Variants in ACOT12 observed in about 807,000 individuals in gnomAD.
The protein encoded by ACOT12 is acetyl-coenzyme A thioesterase.
ACOT12 carries 51 observed loss-of-function variants against 67.7 expected under a neutral mutation model. The ratio of observed to expected loss-of-function variants is 0.75; its 90% CI spans 0.60 to 0.95. ACOT12 has a LOEUF of 0.95. ACOT12 is among the 40% of genes least tolerant of loss of function. The pLI, the probability that ACOT12 is intolerant of heterozygous loss-of-function variation, is 0.00. For synonymous variants in ACOT12, 251 were observed against 244.6 expected, an observed-to-expected ratio of 1.03 and a Z score of -0.24; for missense variants, 734 against 708.1, an observed-to-expected ratio of 1.04 and a Z score of -0.41.
At chr5:81,323,864 A>ATGTATATATGTGTATATATG in the ACOT12 span, among the ~76,000 whole-genome samples, 1 of 146,272 alleles carries the variant, frequency 6.8e-6, no homozygotes, top group Admixed American at 7.1e-5. Flanking sequence ...GTATATGCAT[A>ATGTATATATGTGTATATATG]TGTATATATG....
chr5:81,309,426 T>C, the ACOT12 span, among the ~76,000 whole-genome samples: 1 of 152,228 alleles, frequency 6.6e-6, no homozygotes, highest in Non-Finnish European at 1.5e-5. Context: ...GTACAGATGA[T>C]TCAATATTGT....
intron 1 of ACOT12, among the ~76,000 whole-genome samples, chr5:81,389,815 C>A (rs1760817740): frequency 6.9e-6 from 1 of 145,552 alleles, no homozygotes; most frequent in African/African-American, 2.5e-5. Flanking sequence ...GTGTGAGCCA[C>A]CAGGCCCAGC....
chr5:81,388,350 T>C (rs1760784026), intron 1 of ACOT12, among the ~76,000 whole-genome samples: 1 of 152,202 alleles, frequency 6.6e-6, no homozygotes, highest in African/African-American at 2.4e-5. Flanking sequence ...TGTCATTACA[T>C]GCGTGCTGTG....
At chr5:81,387,973 CAA>C (rs1760774732) in intron 1 of ACOT12, among the ~76,000 whole-genome samples, 1 of 152,004 alleles carries the variant, frequency 6.6e-6, no homozygotes, top group Admixed American at 6.6e-5. Context: ...CTTAAGGGAT[CAA>C]AAAGTAATAA....
Position 81,330,192 on chromosome 5 carries a change from C to T in ACOT12, c.*202G>A, listed in dbSNP as rs1309992650. The T allele has an allele frequency of 1.7e-5, 9 of 531,050 alleles. No homozygotes were observed. Among genetic ancestry groups the T allele is most frequent in the African/African-American group, 1.3e-4 (7 of 52,840 alleles). 32.9% of individuals were successfully genotyped at this position (531,050 alleles called of 1,614,324 possible). A position where few individuals can be genotyped will look rare whatever the true frequency, so the allele number is the denominator to read the frequency against. The stretch of plus-strand genomic sequence containing the variant: ...AGGCAGAGCCACAGATGACTTACAA[C>T]AGAATTCTAAAGCTCTTTTAATGCT... On this transcript the variant is annotated 3_prime_UTR_variant, in exon 15 of 15. Transcript: ENST00000307624.
At chr5:81,326,148 T>A (rs10062967), downstream of ACOT12, among the ~76,000 whole-genome samples, 59,830 of 126,942 alleles carry the variant, frequency 0.47, 14,575 homozygotes, top group Admixed American at 0.6. Context: ...TTTTTGTGAG[T>A]CGAAGTCTCG....
chr5:81,338,655 T>A (rs1195646107), intron 11 of ACOT12, among the ~76,000 whole-genome samples: 1 of 152,236 alleles, frequency 6.6e-6, no homozygotes, highest in Admixed American at 6.5e-5. Context: ...GTTTTCTTTA[T>A]CATTTGATGG....
chr5:81,344,181 C>A lies in ACOT12; in HGVS notation c.959G>T (p.Arg320Leu), dbSNP rs78935755. The A allele has an allele frequency of 1.9e-6, 3 of 1,613,688 alleles. No homozygotes were observed. Among genetic ancestry groups the A allele is most frequent in the Non-Finnish European group, 2.5e-6 (3 of 1,179,816 alleles). The change falls in exon 9 of 15, where the codon CGC becomes CTC. Residue 320 changes from arginine (R) to leucine (L), a missense_variant. Arg to Leu is a moderately radical substitution (Grantham distance 102). Transcript: ENST00000307624. ...TTACCTGCCTAGGCGAATTCGCTTG[C>A]GTGCAATAGCTCCCCGATAGCGTCT... is the stretch of plus-strand genomic sequence containing the variant. ...DFRRYRGAIA[R>L]KRIRLGRKYV...
the ACOT12 span, among the ~76,000 whole-genome samples, chr5:81,311,507 A>G: frequency 1.3e-5 from 2 of 152,206 alleles, no homozygotes; most frequent in African/African-American, 4.8e-5. Flanking sequence ...CCCTGACTTT[A>G]TAAGACACCT....
the ACOT12 span, chr5:81,311,324 C>A: frequency 6.3e-7 from 1 of 1,579,218 alleles, no homozygotes; most frequent in South Asian, 1.1e-5. Flanking sequence ...GATTAGTATT[C>A]CTCTGCGTTT....
At chr5:81,331,336 G>A (rs1240370031) in intron 13 of ACOT12, among the ~76,000 whole-genome samples, 7 of 152,138 alleles carry the variant, frequency 4.6e-5, no homozygotes, top group South Asian at 2.1e-4. Flanking sequence ...TCAGGAGTTC[G>A]AGGCTATCCT....
At position 81,363,690 on chromosome 5, in the gene ACOT12, G is replaced by A. The variant is rs200797926; in HGVS notation, c.360+98C>T. 2.7e-4 allele frequency: 212 copies of A among 797,688 alleles called. 3 individuals carry two copies. In the East Asian group the frequency reaches 6.4e-3, roughly 24 times the overall value. The allele number at this position is 797,688 out of a possible 1,614,324, so 49.4% of individuals were successfully genotyped here. ...CAAATCTTGGGGAAGTATATCTCATGGAAAGAAGAAGTGTCATTTTTTTCT... is the reference window on the plus strand; with the variant it reads ...CAAATCTTGGGGAAGTATATCTCATAGAAAGAAGAAGTGTCATTTTTTTCT... On this transcript the variant is annotated intron_variant, in intron 4 of 14. Transcript: ENST00000307624.
At chr5:81,360,188 A>C (rs1759861764) in intron 4 of ACOT12, 150 bp from the exon 5 acceptor site, 4 of 701,306 alleles carry the variant, frequency 5.7e-6, no homozygotes, top group Non-Finnish European at 8.6e-6. Flanking sequence ...GTTATGACTA[A>C]ATTTTTTCTT....
chr5:81,319,601 C>T, the ACOT12 span, among the ~76,000 whole-genome samples: 1 of 152,050 alleles, frequency 6.6e-6, no homozygotes, highest in African/African-American at 2.4e-5. Context: ...CCTGTAATCC[C>T]AGCTACTTGG....
At chr5:81,361,582 T>C (rs904559015) in intron 4 of ACOT12, among the ~76,000 whole-genome samples, 1 of 152,166 alleles carries the variant, frequency 6.6e-6, no homozygotes, top group Non-Finnish European at 1.5e-5. Context: ...TGTGTGTTGG[T>C]TCTCCTGAAA....
chr5:81,378,222 A>G (rs1760476933), intron 2 of ACOT12, among the ~76,000 whole-genome samples: 1 of 152,244 alleles, frequency 6.6e-6, no homozygotes, highest in South Asian at 2.1e-4. Flanking sequence ...CCTGACAAAA[A>G]CAAGCAATGG....
At chr5:81,384,063 G>A (rs1760660390) in intron 2 of ACOT12, among the ~76,000 whole-genome samples, 1 of 151,144 alleles carries the variant, frequency 6.6e-6, no homozygotes, top group Admixed American at 6.6e-5. Flanking sequence ...CTCCTGCAGA[G>A]CAACTTCCAG....
chr5:81,332,599 A>G lies in ACOT12; in HGVS notation c.1269T>C (p.Cys423=). The G allele has an allele frequency of 6.2e-7, 1 of 1,613,978 alleles. No individual in the cohort carries two copies. The highest frequency in any genetic ancestry group is 1.7e-4 in the Middle Eastern group (1 of 6,060). Residue 423 remains cysteine, a synonymous_variant, in exon 13 of 15, where the codon TGT becomes TGC. Coordinates refer to ENST00000307624, the MANE Select transcript of ACOT12 (RefSeq NM_130767.3). ...RPLWDPHFVS[C]EVIDWVSEDD... The stretch of plus-strand genomic sequence containing the variant: ...CTTCACTCACCCAGTCTATGACTTC[A>G]CAGGACCTGTGTATATAGAACAGTG...
rs148630854 is a variant in ACOT12 at position 81,330,515 on chromosome 5, C to T, written c.1547G>A (p.Ser516Asn). The T allele has an allele frequency of 5.0e-5, 80 of 1,613,928 alleles. No individual in the cohort carries two copies. The highest frequency in any genetic ancestry group is 6.3e-5 in the Non-Finnish European group (74 of 1,179,996). ...IVSYFNHMSA[S>N]ILPYFAGNLG... The stretch of plus-strand genomic sequence containing the variant: ...ATTTCCAGCAAAGTAAGGAAGGATG[C>T]TAGCAGACATATGGTTAAAGTAAGA... Residue 516 changes from serine to asparagine, a missense_variant, in exon 15 of 15, where the codon AGC becomes AAC. Transcript: ENST00000307624.
Sources: allele counts gnomAD v4.1 joint callset (sites outside exome capture counted in the v4.1 genomes callset), GRCh38; gene constraint gnomAD v4.1.1; transcripts MANE v1.5; gene names NCBI Gene and HGNC (gene_info 2026-07-23, HGNC 2026-07-21).